FAM178B: variants seen among roughly 807,000 people sequenced by gnomAD.
FAM178B encodes the protein family with sequence similarity 178 member B.
Under a neutral mutation model 91.7 loss-of-function variants are expected in FAM178B, and 82 were observed. The observed-to-expected ratio is 0.89, with a 90% CI of 0.75 to 1.07. The LOEUF is 1.07. Ranked by LOEUF, FAM178B falls within the 50% of genes least tolerant of loss-of-function variation. FAM178B has a pLI of 0.00. For synonymous variants in FAM178B, 368 were observed against 359.4 expected, an observed-to-expected ratio of 1.02 and a Z score of -0.27; for missense variants, 769 against 846.7, an observed-to-expected ratio of 0.91 and a Z score of 1.14.
intron 5 of FAM178B, among the ~76,000 whole-genome samples, chr2:96,964,808 C>T (rs1316878718): frequency 6.6e-6 from 1 of 152,136 alleles, no homozygotes; most frequent in Non-Finnish European, 1.5e-5. Context: ...GGCACTGTGA[C>T]CTCTAAATCA....
intron 8 of FAM178B, among the ~76,000 whole-genome samples, chr2:96,942,273 T>C (rs1335433098): frequency 6.6e-6 from 1 of 152,194 alleles, no homozygotes; most frequent in Non-Finnish European, 1.5e-5. Flanking sequence ...AAGATAGCAA[T>C]AGTACCCAAA....
At chr2:96,967,373 G>C (rs1260175652) in intron 5 of FAM178B, 147 bp downstream of exon 5, 3 of 593,480 alleles carry the variant, frequency 5.1e-6, no homozygotes, top group Non-Finnish European at 9.1e-6. Flanking sequence ...GAGTGAATGT[G>C]GCTTTAAGAG....
chr2:96,939,100 G>A (rs2081681177), intron 8 of FAM178B: 1 of 152,478 alleles, frequency 6.6e-6, no homozygotes, highest in Non-Finnish European at 1.5e-5. Flanking sequence ...CTACTCGGGA[G>A]GCTGAGGCAG....
At chr2:96,976,577 G>T (rs1471641528) in intron 1 of FAM178B, among the ~76,000 whole-genome samples, 1 of 150,826 alleles carries the variant, frequency 6.6e-6, no homozygotes, top group East Asian at 2.0e-4. Context: ...AGGCATGGTG[G>T]CTCACGCCTG....
At chr2:96,901,195 T>TA (rs1398059086) in intron 13 of FAM178B, among the ~76,000 whole-genome samples, 8 of 138,556 alleles carry the variant, frequency 5.8e-5, no homozygotes, top group South Asian at 4.3e-4. Flanking sequence ...TTTTTTTTTT[T>TA]AGAGTCTTGC....
chr2:96,973,468 A>G (rs1024014729), intron 1 of FAM178B, among the ~76,000 whole-genome samples: 1 of 152,196 alleles, frequency 6.6e-6, no homozygotes, highest in Non-Finnish European at 1.5e-5. Flanking sequence ...AGCGTCCTCC[A>G]GTAGGAGGAA....
chr2:96,925,145 C>T (rs906182716), intron 9 of FAM178B, among the ~76,000 whole-genome samples: 4 of 152,186 alleles, frequency 2.6e-5, no homozygotes, highest in African/African-American at 9.7e-5. Context: ...CTTGAGCGTG[C>T]AACACGCGCA....
chr2:96,877,687 G>A (rs900769316), intron 16 of FAM178B: 19 of 591,486 alleles, frequency 3.2e-5, no homozygotes, highest in African/African-American at 5.6e-5. Flanking sequence ...GAGCTACCAC[G>A]CCCAGCCTTT....
intron 1 of FAM178B, among the ~76,000 whole-genome samples, chr2:96,978,143 C>A (rs554108172): frequency 6.6e-6 from 1 of 152,296 alleles, no homozygotes; most frequent in South Asian, 2.1e-4. Context: ...ATCTCAGCAT[C>A]CTAGCACTCA....
At chr2:96,930,370 G>C (rs1053953256) in intron 8 of FAM178B, among the ~76,000 whole-genome samples, 1 of 152,180 alleles carries the variant, frequency 6.6e-6, no homozygotes, top group South Asian at 2.1e-4. Flanking sequence ...AATGGGTCCA[G>C]ACGTCTTCTC....
intron 13 of FAM178B, among the ~76,000 whole-genome samples, chr2:96,901,406 T>A (rs1023743172): frequency 1.3e-5 from 2 of 152,022 alleles, no homozygotes; most frequent in African/African-American, 4.8e-5. Flanking sequence ...ACTCCTGACC[T>A]CAAGTGATCC....
intron 6 of FAM178B, 55 bp from the exon 7 acceptor site, chr2:96,951,539 C>T (rs1477600731): frequency 5.5e-5 from 74 of 1,351,762 alleles, no homozygotes; most frequent in Non-Finnish European, 4.6e-5. Flanking sequence ...ACACTTGTCT[C>T]GGTGACACCG....
chr2:96,907,450 C>T (rs930182208), intron 12 of FAM178B, among the ~76,000 whole-genome samples: 1 of 152,144 alleles, frequency 6.6e-6, no homozygotes, highest in Non-Finnish European at 1.5e-5. Context: ...GGAACTCCAA[C>T]CAGGTTCAGA....
chr2:96,902,565 C>CCT, intron 13 of FAM178B, 55 bp downstream of exon 13: 1 of 1,265,278 alleles, frequency 7.9e-7, no homozygotes, highest in Non-Finnish European at 1.1e-6. Flanking sequence ...TTGGGGAAAG[C>CCT]CTCCAGAGCC....
rs2081804731 is a variant in FAM178B, at chr2:96,945,278, C to T, written c.1078+2540G>A. On this transcript the variant is annotated intron_variant, in intron 8 of 16. Transcript: ENST00000490605. Reference sequence around the variant, plus strand: ...AATTCTCCGTTACCGCCCCACCCCCCACACACACACTAGAGTGCCCTGGGA... The same window carrying T: ...AATTCTCCGTTACCGCCCCACCCCCTACACACACACTAGAGTGCCCTGGGA... Among the ~76,000 whole-genome samples the T allele has an allele frequency of 2.0e-5, 3 of 152,162 alleles. No individual in the cohort carries two copies. In the South Asian group the frequency reaches 6.3e-4, roughly 32 times the overall value.
At chr2:96,933,975 C>T (rs1347035817) in intron 8 of FAM178B, among the ~76,000 whole-genome samples, 1 of 152,248 alleles carries the variant, frequency 6.6e-6, no homozygotes, top group African/African-American at 2.4e-5. Context: ...TCCCGCAGCA[C>T]TTTTCTACTT....
intron 12 of FAM178B, among the ~76,000 whole-genome samples, chr2:96,913,177 G>A (rs1340611086): frequency 3.3e-5 from 5 of 152,222 alleles, no homozygotes. Context: ...GCAGCAGGGA[G>A]GTGAGAACTG....
At chr2:96,910,144 C>A (rs2081126510) in intron 12 of FAM178B, among the ~76,000 whole-genome samples, 2 of 152,144 alleles carry the variant, frequency 1.3e-5, no homozygotes, top group Non-Finnish European at 2.9e-5. Context: ...CTTGTTAGGA[C>A]TCCTAGAAAG....
intron 12 of FAM178B, among the ~76,000 whole-genome samples, chr2:96,916,833 C>A (rs1048119579): frequency 6.6e-6 from 1 of 152,196 alleles, no homozygotes; most frequent in East Asian, 1.9e-4. Flanking sequence ...ACCAGTCAGT[C>A]GAGCAGACAA....
Sources: gnomAD v4.1 joint callset for allele counts (sites outside exome capture counted in the v4.1 genomes callset) on GRCh38, gnomAD v4.1.1 for gene constraint, MANE v1.5 for transcripts, NCBI Gene and HGNC (gene_info 2026-07-23, HGNC 2026-07-21) for gene names.